Variants in ST8SIA6 observed in about 807,000 individuals in gnomAD.
ST8SIA6 encodes alpha-2,8-sialyltransferase 8F.
Under a neutral mutation model 33.6 loss-of-function variants are expected in ST8SIA6, and 39 were observed. The ratio of observed to expected loss-of-function variants is 1.16; its 90% CI spans 0.90 to 1.52. The LOEUF is 1.52. ST8SIA6 is among the 40% of genes most tolerant of loss of function. ST8SIA6 has a pLI of 0.00. For missense variants in ST8SIA6, 441 were observed against 443.8 expected (o/e 0.99, Z 0.06); for synonymous variants, 172 against 167.2 (o/e 1.03, Z -0.22).
At chr10:17,432,766 A>T (rs912466562) in intron 2 of ST8SIA6, among the ~76,000 whole-genome samples, 6 of 152,216 alleles carry the variant, frequency 3.9e-5, no homozygotes, top group African/African-American at 1.4e-4. Context: ...TAATAGTCAG[A>T]CAAGATTGAA....
intron 3 of ST8SIA6, among the ~76,000 whole-genome samples, chr10:17,381,572 C>A (rs1850154145): frequency 6.6e-6 from 1 of 152,124 alleles, no homozygotes; most frequent in African/African-American, 2.4e-5. Context: ...AATAAGCTGG[C>A]TTTAAAATTA....
chr10:17,395,893 A>G (rs2131670468), intron 2 of ST8SIA6, among the ~76,000 whole-genome samples: 1 of 152,300 alleles, frequency 6.6e-6, no homozygotes, highest in South Asian at 2.1e-4. Context: ...AAAACCCTTC[A>G]TACCAGAATT....
At chr10:17,452,961 C>T (rs1341862822) in intron 2 of ST8SIA6, among the ~76,000 whole-genome samples, 2 of 151,908 alleles carry the variant, frequency 1.3e-5, no homozygotes, top group Non-Finnish European at 2.9e-5. Flanking sequence ...GGTAAGGACT[C>T]TGAATGAATA....
At chr10:17,362,407 T>C (rs553844836) in intron 3 of ST8SIA6, among the ~76,000 whole-genome samples, 1 of 152,274 alleles carries the variant, frequency 6.6e-6, no homozygotes, top group East Asian at 1.9e-4. Context: ...GCATTACATA[T>C]CAGCCATTTT....
chr10:17,350,465 G>A (rs1354010489), intron 4 of ST8SIA6, among the ~76,000 whole-genome samples: 1 of 152,090 alleles, frequency 6.6e-6, no homozygotes, highest in East Asian at 1.9e-4. Flanking sequence ...GAGGCGGGAG[G>A]ATCGTTTGAG....
intron 2 of ST8SIA6, among the ~76,000 whole-genome samples, chr10:17,436,520 C>G (rs372340942): frequency 0.023 from 2,631 of 115,404 alleles, 67 homozygotes; most frequent in East Asian, 0.12. Flanking sequence ...TATCCCTCCC[C>G]CCTCCCCCCA....
At position 17,401,166 on chromosome 10, in the gene ST8SIA6, A is replaced by C. The variant is rs200850118; in HGVS notation, c.201-10546T>G. Among the ~76,000 whole-genome samples the C allele has an allele frequency of 3.2e-3, 487 of 152,250 alleles. 15 individuals carry two copies. The East Asian group carries it at 0.08, about 25-fold the overall frequency. ...CAAACAGAGAGCCAAATCATGAGTG[A>C]ACTCCCATTCACAATTGCTTCAAAG... On this transcript the variant is annotated intron_variant, in intron 2 of 7. Coordinates refer to ENST00000377602, the MANE Select transcript of ST8SIA6 (RefSeq NM_001004470.3).
At chr10:17,339,977 A>T (rs1848621233) in intron 4 of ST8SIA6, among the ~76,000 whole-genome samples, 1 of 152,200 alleles carries the variant, frequency 6.6e-6, no homozygotes, top group South Asian at 2.1e-4. Flanking sequence ...GAAAGAAAAT[A>T]AAAAGGTTTA....
chr10:17,332,318 A>T (rs1848327809), intron 4 of ST8SIA6, among the ~76,000 whole-genome samples: 2 of 152,138 alleles, frequency 1.3e-5, no homozygotes, highest in Admixed American at 1.3e-4. Flanking sequence ...CAGTAATGGG[A>T]TTGCTGGGTC....
chr10:17,333,635 A>G (rs1848370088), intron 4 of ST8SIA6, among the ~76,000 whole-genome samples: 1 of 138,782 alleles, frequency 7.2e-6, no homozygotes, highest in Admixed American at 7.4e-5. Flanking sequence ...AAAACAAGCA[A>G]AGGGGAAAGG....
intron 4 of ST8SIA6, among the ~76,000 whole-genome samples, chr10:17,334,292 C>A (rs946862558): frequency 6.6e-6 from 1 of 151,410 alleles, no homozygotes. Flanking sequence ...GTAATCCCAG[C>A]ACTTTGGGAG....
Position 17,342,495 on chromosome 10 carries a change from G to C in ST8SIA6, c.378-10943C>G, listed in dbSNP as rs148549331. Among the ~76,000 whole-genome samples, 682 of 152,316 alleles carry C rather than the reference G, an allele frequency of 4.5e-3. 4 individuals are homozygous for C. The highest frequency in any genetic ancestry group is 0.015 in the African/African-American group (643 of 41,564). ...GAGGATAATTCTTTGGGTCATATAG[G>C]ATGGATGGCAGTGGAAGGAGATCAG... On this transcript the variant is annotated intron_variant, in intron 4 of 7. Transcript: ENST00000377602.
chr10:17,341,922 CAAAAA>C (rs1848691622), intron 4 of ST8SIA6, among the ~76,000 whole-genome samples: 1 of 95,928 alleles, frequency 1.0e-5, no homozygotes, highest in Non-Finnish European at 2.2e-5. Context: ...AAAAAAAAAA[CAAAAA>C]GAAAGAAAGA....
chr10:17,377,228 C>A (rs1040816837), intron 3 of ST8SIA6, among the ~76,000 whole-genome samples: 37 of 152,114 alleles, frequency 2.4e-4, no homozygotes, highest in South Asian at 4.1e-4. Context: ...AGAGAAAAAA[C>A]CCCTTTAACT....
Position 17,406,524 on chromosome 10 carries a change from T to C in ST8SIA6, c.201-15904A>G, listed in dbSNP as rs956079291. On this transcript the variant is annotated intron_variant, in intron 2 of 7. Transcript: ENST00000377602. ...ATGTGCACTGCATGCATTAATATAC[T>C]TGCTTGTTTTTCTCTTGTTAATCTG... Among the ~76,000 whole-genome samples the C allele has an allele frequency of 4.6e-5, 7 of 152,354 alleles. No individual in the cohort carries two copies. The South Asian group carries it at 1.4e-3, about 32-fold the overall frequency.
At chr10:17,337,763 G>C (rs1848552688) in intron 4 of ST8SIA6, among the ~76,000 whole-genome samples, 1 of 152,170 alleles carries the variant, frequency 6.6e-6, no homozygotes, top group Admixed American at 6.5e-5. Context: ...AACTAGACAT[G>C]TTCACAATAA....
chr10:17,427,103 GAA>G (rs60070400), intron 2 of ST8SIA6, among the ~76,000 whole-genome samples: 2 of 133,572 alleles, frequency 1.5e-5, no homozygotes, highest in Non-Finnish European at 1.6e-5. Flanking sequence ...GACTGTGTCT[GAA>G]AAAAAAAAAA....
chr10:17,454,010 C>T lies in ST8SIA6; in HGVS notation c.101+145G>A. 3.7e-6 allele frequency: 1 copy of T among 272,042 alleles called. No individual in the cohort carries two copies. The highest frequency in any genetic ancestry group is 6.8e-6 in the Non-Finnish European group (1 of 146,842). 16.9% of individuals were successfully genotyped at this position (272,042 alleles called of 1,614,324 possible). A position where few individuals can be genotyped will look rare whatever the true frequency, so the allele number is the denominator to read the frequency against. On this transcript the variant is annotated intron_variant, in intron 1 of 7. Coordinates refer to ENST00000377602, the MANE Select transcript of ST8SIA6 (RefSeq NM_001004470.3). The surrounding 1 kb of genome is among the most constrained non-coding windows in gnomAD (Gnocchi z 4.1). ...CCCTGCGACCCCCTCCCCCACTCCA[C>T]TCTCAGGCCGTCGCCGCCCGTGGGC...
At chr10:17,401,036 G>A (rs1296653273) in intron 2 of ST8SIA6, among the ~76,000 whole-genome samples, 9 of 152,116 alleles carry the variant, frequency 5.9e-5, no homozygotes, top group African/African-American at 1.2e-4. Flanking sequence ...AAACCCCATC[G>A]TCTCAGCCCA....
Sources: allele counts gnomAD v4.1 joint callset (sites outside exome capture counted in the v4.1 genomes callset), GRCh38; gene constraint gnomAD v4.1.1; non-coding constraint Gnocchi (gnomAD v3.1); transcripts MANE v1.5; gene names NCBI Gene and HGNC (gene_info 2026-07-23, HGNC 2026-07-21).